C12orf42: variants seen among roughly 807,000 people sequenced by gnomAD.
C12orf42 encodes the protein uncharacterized protein C12orf42.
Under a neutral mutation model 21.6 loss-of-function variants are expected in C12orf42, and 25 were observed. The ratio of observed to expected loss-of-function variants is 1.16; its 90% confidence interval spans 0.84 to 1.62. The LOEUF (loss-of-function observed/expected upper bound fraction) is 1.62. Among genes scored for constraint, C12orf42 ranks in the 40% most tolerant of loss-of-function variants. The pLI is 0.00. For synonymous variants in C12orf42, 174 were observed against 175.0 expected (o/e 0.99, Z 0.05); for missense variants, 483 against 459.3 (o/e 1.05, Z -0.47).
chr12:103,391,988 G>A (rs1424503666), intron 3 of C12orf42, among the ~76,000 whole-genome samples: 2 of 151,952 alleles, frequency 1.3e-5, no homozygotes, highest in African/African-American at 4.8e-5. Context: ...GATCTATATT[G>A]AGTTAATTTT....
At chr12:103,400,778 T>C (rs1459055365) in intron 3 of C12orf42, among the ~76,000 whole-genome samples, 2 of 152,138 alleles carry the variant, frequency 1.3e-5, no homozygotes, top group African/African-American at 4.8e-5. Flanking sequence ...GCTCACGAAT[T>C]TTGAAAAAGG....
chr12:103,536,828 C>T, the C12orf42 span, among the ~76,000 whole-genome samples: 6 of 152,174 alleles, frequency 3.9e-5, no homozygotes, highest in African/African-American at 4.8e-5. Flanking sequence ...ACCTCATCAG[C>T]GAGGCCTTCC....
At chr12:103,391,251 G>A (rs533349797) in intron 3 of C12orf42, among the ~76,000 whole-genome samples, 2 of 151,996 alleles carry the variant, frequency 1.3e-5, no homozygotes, top group South Asian at 2.1e-4. Flanking sequence ...ATGAACACTG[G>A]TATACAAGTA....
At chr12:103,088,963 C>T in the C12orf42 span, among the ~76,000 whole-genome samples, 65 of 151,960 alleles carry the variant, frequency 4.3e-4, no homozygotes, top group African/African-American at 1.4e-3. Flanking sequence ...ATCAGCCGGG[C>T]GTGGTGGTGG....
At chr12:103,405,582 T>G (rs771781672) in intron 2 of C12orf42, among the ~76,000 whole-genome samples, 1 of 152,144 alleles carries the variant, frequency 6.6e-6, no homozygotes, top group Non-Finnish European at 1.5e-5. Flanking sequence ...AATCGGGAGC[T>G]GTAGGCACTC....
chr12:103,489,657 G>A (rs189169916), intron 1 of C12orf42, among the ~76,000 whole-genome samples: 13 of 152,282 alleles, frequency 8.5e-5, no homozygotes, highest in African/African-American at 2.6e-4. Context: ...CTCAGCAATG[G>A]CAGACGCCCC....
At chr12:103,128,857 T>TA in the C12orf42 span, among the ~76,000 whole-genome samples, 2 of 152,212 alleles carry the variant, frequency 1.3e-5, no homozygotes, top group African/African-American at 4.8e-5. Flanking sequence ...ACAAATGAAT[T>TA]ACTAGCTTGT....
At chr12:103,139,623 A>C in the C12orf42 span, among the ~76,000 whole-genome samples, 1 of 152,192 alleles carries the variant, frequency 6.6e-6, no homozygotes, top group Non-Finnish European at 1.5e-5. Flanking sequence ...GAAAGAAAGA[A>C]GCAGCATCAA....
the C12orf42 span, among the ~76,000 whole-genome samples, chr12:103,546,799 A>G: frequency 1.3e-5 from 2 of 152,026 alleles, no homozygotes; most frequent in African/African-American, 2.4e-5. Context: ...AGATTTTCTG[A>G]CCCTCCCCTA....
At chr12:103,075,841 T>C in the C12orf42 span, among the ~76,000 whole-genome samples, 1 of 152,172 alleles carries the variant, frequency 6.6e-6, no homozygotes, top group African/African-American at 2.4e-5. Context: ...TTATTAAGAC[T>C]CTATACATGA....
intron 5 of C12orf42, among the ~76,000 whole-genome samples, chr12:103,272,712 T>C (rs534905535): frequency 9.9e-5 from 15 of 152,238 alleles, no homozygotes; most frequent in African/African-American, 3.6e-4. Context: ...TGAGAGTCTA[T>C]TTTTCTAAAG....
the C12orf42 span, among the ~76,000 whole-genome samples, chr12:103,059,966 G>T: frequency 6.6e-6 from 1 of 152,146 alleles, no homozygotes; most frequent in African/African-American, 2.4e-5. Context: ...ACATAGTATT[G>T]GAAGTTCTGG....
downstream of C12orf42, among the ~76,000 whole-genome samples, chr12:103,235,281 G>T (rs1228197719): frequency 6.6e-6 from 1 of 152,138 alleles, no homozygotes; most frequent in African/African-American, 2.4e-5. Context: ...TTTTTAGCTA[G>T]ATTTGTCCCT....
At chr12:103,388,216 C>T (rs1046499772) in intron 3 of C12orf42, among the ~76,000 whole-genome samples, 6 of 152,158 alleles carry the variant, frequency 3.9e-5, no homozygotes, top group Non-Finnish European at 5.9e-5. Context: ...CATTCCTGGC[C>T]TCTGGAGAGT....
At chr12:103,472,047 A>ATTTTTTTTTTTTTTTTTTTTTTTTTT (rs33994886) in intron 2 of C12orf42, 2 of 84,358 alleles carry the variant, frequency 2.4e-5, no homozygotes, top group African/African-American at 4.8e-5. Context: ...ATACAACTCA[A>ATTTTTTTTTTTTTTTTTTTTTTTTTT]TTTTTTTTTT....
At chr12:103,301,852 C>T (rs546932981), downstream of C12orf42, 235 of 451,468 alleles carry the variant, frequency 5.2e-4, no homozygotes, top group Middle Eastern at 3.4e-3. Context: ...CGATGTACCC[C>T]ATCCCTATTG....
chr12:103,189,676 T>G, the C12orf42 span, among the ~76,000 whole-genome samples: 3 of 152,110 alleles, frequency 2.0e-5, no homozygotes, highest in African/African-American at 7.2e-5. Flanking sequence ...TCCTGAGAAC[T>G]CAGGCTTCAT....
intron 2 of C12orf42, among the ~76,000 whole-genome samples, chr12:103,449,326 T>C (rs1207054960): frequency 6.6e-6 from 1 of 151,868 alleles, no homozygotes; most frequent in Non-Finnish European, 1.5e-5. Context: ...CAATGGACTT[T>C]GGGGACTTGG....
chr12:103,413,392 C>T (rs2049012982), intron 2 of C12orf42, among the ~76,000 whole-genome samples: 1 of 152,122 alleles, frequency 6.6e-6, no homozygotes, highest in Non-Finnish European at 1.5e-5. Flanking sequence ...TGTGATGCCT[C>T]CAGCTTTGTT....
Sources: allele counts gnomAD v4.1 joint callset (sites outside exome capture counted in the v4.1 genomes callset), GRCh38; gene constraint gnomAD v4.1.1; transcripts MANE v1.5; gene names NCBI Gene and HGNC (gene_info 2026-07-23, HGNC 2026-07-21).